CNTNAP4: variants seen among roughly 807,000 people sequenced by gnomAD.
CNTNAP4 encodes the protein contactin-associated protein-like 4.
In CNTNAP4, 98 loss-of-function variants were observed where a neutral mutation model predicts 148.4. That is an observed-to-expected ratio of 0.66 (90% CI 0.56 to 0.78). The LOEUF is 0.78. Ranked by LOEUF, CNTNAP4 falls within the 30% of genes least tolerant of loss-of-function variation. CNTNAP4 has a pLI of 0.00. For synonymous variants in CNTNAP4, 730 were observed against 565.1 expected (o/e 1.29, Z -4.14); for missense variants, 1,935 against 1,565.6 (o/e 1.24, Z -3.98).
intron 3 of CNTNAP4, among the ~76,000 whole-genome samples, chr16:76,391,150 C>A (rs989850919): frequency 1.3e-5 from 2 of 152,164 alleles, no homozygotes; most frequent in South Asian, 2.1e-4. Context: ...CCTAGCCCCC[C>A]ACTACCCTTC....
At position 76,452,758 on chromosome 16, in the gene CNTNAP4, A is replaced by G. The variant is rs752884883; in HGVS notation, c.1322A>G (p.Asp441Gly). The G allele has an allele frequency of 6.3e-7, 1 of 1,584,364 alleles. No homozygotes were observed. Among genetic ancestry groups the G allele is most frequent in the Non-Finnish European group, 8.6e-7 (1 of 1,164,474 alleles). ...TACCAGCCAGGAAAATTACCCAGTG[A>G]CATCACAGCAGGTAATAAATGTATT... Reference protein sequence around the residue: ...NLYQPGKLPSDITAGVELNDG... With the variant: ...NLYQPGKLPSGITAGVELNDG... Residue 441 changes from aspartate (D) to glycine (G), a missense_variant, in exon 8 of 24, where the codon GAC becomes GGC. By Grantham distance (94) the Asp-to-Gly change is moderately conservative (BLOSUM62 -1). Coordinates refer to ENST00000611870, the MANE Select transcript of CNTNAP4 (RefSeq NM_033401.5).
chr16:76,314,843 T>C (rs1028979522), intron 1 of CNTNAP4, among the ~76,000 whole-genome samples: 3 of 152,162 alleles, frequency 2.0e-5, no homozygotes, highest in African/African-American at 4.8e-5. Flanking sequence ...ACTGTATACA[T>C]GTGTGTTGAT....
intron 15 of CNTNAP4, among the ~76,000 whole-genome samples, chr16:76,501,780 A>G (rs2082655658): frequency 6.6e-6 from 1 of 152,180 alleles, no homozygotes; most frequent in Non-Finnish European, 1.5e-5. Context: ...ATTAGCACTA[A>G]GAATTTACGG....
At chr16:76,390,129 C>T (rs1014544266) in intron 3 of CNTNAP4, among the ~76,000 whole-genome samples, 2 of 152,144 alleles carry the variant, frequency 1.3e-5, no homozygotes, top group Admixed American at 1.3e-4. Flanking sequence ...TCCAGGCAGT[C>T]ACTGGATGAG....
intron 2 of CNTNAP4, among the ~76,000 whole-genome samples, chr16:76,338,677 G>A (rs1259549394): frequency 6.6e-6 from 1 of 152,134 alleles, no homozygotes; most frequent in Non-Finnish European, 1.5e-5. Flanking sequence ...AACTCCAGGA[G>A]GAAATGACAT....
chr16:76,422,863 A>G (rs1020062645), intron 3 of CNTNAP4, among the ~76,000 whole-genome samples: 2 of 152,270 alleles, frequency 1.3e-5, no homozygotes, highest in Middle Eastern at 3.4e-3. Flanking sequence ...ATAGAACGCA[A>G]TCACTAGTTG....
chr16:76,397,690 C>T (rs1331277002), intron 3 of CNTNAP4, among the ~76,000 whole-genome samples: 4 of 151,316 alleles, frequency 2.6e-5, no homozygotes, highest in African/African-American at 9.7e-5. Context: ...ATAATAAGGC[C>T]TGGACCATAA....
chr16:76,538,997 T>A (rs1255522495), intron 19 of CNTNAP4, among the ~76,000 whole-genome samples: 1 of 152,056 alleles, frequency 6.6e-6, no homozygotes, highest in African/African-American at 2.4e-5. Context: ...TCATTTCAAC[T>A]GATTCAAATA....
chr16:76,332,085 C>T (rs1016605878), intron 2 of CNTNAP4, among the ~76,000 whole-genome samples: 1 of 152,172 alleles, frequency 6.6e-6, no homozygotes, highest in Non-Finnish European at 1.5e-5. Context: ...GTTGAGGACC[C>T]TTTATAGGTG....
rs77366093 is a variant in CNTNAP4 at position 76,477,781 on chromosome 16, C to G, written c.1763-1638C>G. On this transcript the variant is annotated intron_variant, in intron 11 of 23. Transcript: ENST00000611870. ...ATCCTCCATTATCCCCATGTAGTAA[C>G]TAACTCAAAACAGAAAGCTATTCAG... Among the ~76,000 whole-genome samples the G allele has an allele frequency of 1.4e-4, 21 of 152,246 alleles. No individual in the cohort carries two copies. In the East Asian group the frequency reaches 2.9e-3, roughly 21 times the overall value.
intron 8 of CNTNAP4, among the ~76,000 whole-genome samples, chr16:76,459,305 A>G (rs1283646769): frequency 6.6e-6 from 1 of 152,238 alleles, no homozygotes; most frequent in Non-Finnish European, 1.5e-5. Context: ...CAAGGATTAC[A>G]TAACTCTATT....
intron 16 of CNTNAP4, 80 bp downstream of exon 16, chr16:76,521,390 T>C: frequency 8.8e-7 from 1 of 1,134,198 alleles, no homozygotes; most frequent in Non-Finnish European, 1.2e-6. Flanking sequence ...AAACTACTCA[T>C]GTGTCTACTT....
Position 76,314,992 on chromosome 16 carries a change from C to T in CNTNAP4, c.86-1421C>T, listed in dbSNP as rs11642553. ...GCTTTGCTTTTTAAGATTCTCAAAA[C>T]GATCAACATATTACATATTATTTTA... is the stretch of plus-strand genomic sequence containing the variant. On this transcript the variant is annotated intron_variant, in intron 1 of 23. Coordinates refer to ENST00000611870, the MANE Select transcript of CNTNAP4 (RefSeq NM_033401.5). Among the ~76,000 whole-genome samples, 865 of 152,128 alleles carry T rather than the reference C, an allele frequency of 5.7e-3. 4 individuals are homozygous for T. Among genetic ancestry groups the T allele is most frequent in the African/African-American group, 0.015 (611 of 41,480 alleles).
chr16:76,309,352 A>T (rs1960840984), intron 1 of CNTNAP4, among the ~76,000 whole-genome samples: 1 of 152,028 alleles, frequency 6.6e-6, no homozygotes, highest in African/African-American at 2.4e-5. Flanking sequence ...GGCCACCACC[A>T]TTTGAGTTTG....
chr16:76,521,026 T>C (rs2083431227), intron 15 of CNTNAP4, 114 bp from the exon 16 acceptor site: 3 of 969,952 alleles, frequency 3.1e-6, no homozygotes, highest in Admixed American at 5.0e-5. Context: ...TTTGTATAAA[T>C]AACATTTTAA....
chr16:76,556,983 G>A (rs187841578), intron 23 of CNTNAP4, among the ~76,000 whole-genome samples: 15 of 152,160 alleles, frequency 9.9e-5, no homozygotes, highest in Middle Eastern at 3.4e-3. Context: ...TGACTTCCTC[G>A]CACTCCGTTA....
chr16:76,331,814 T>C (rs916206112), intron 2 of CNTNAP4, among the ~76,000 whole-genome samples: 21 of 152,310 alleles, frequency 1.4e-4, no homozygotes, highest in African/African-American at 5.1e-4. Flanking sequence ...TTCCATACAG[T>C]GTTCTTTACG....
chr16:76,488,919 A>T (rs1405337614), intron 12 of CNTNAP4, among the ~76,000 whole-genome samples: 2 of 152,146 alleles, frequency 1.3e-5, no homozygotes, highest in African/African-American at 2.4e-5. Flanking sequence ...AATAGTGATA[A>T]CTCTAGTAGA....
At chr16:76,436,342 C>T (rs2079825535) in intron 4 of CNTNAP4, among the ~76,000 whole-genome samples, 1 of 152,144 alleles carries the variant, frequency 6.6e-6, no homozygotes, top group South Asian at 2.1e-4. Flanking sequence ...TCCCGCACAT[C>T]CCCATTCCAA....
Sources: allele counts gnomAD v4.1 joint callset (sites outside exome capture counted in the v4.1 genomes callset), GRCh38; gene constraint gnomAD v4.1.1; transcripts MANE v1.5; gene names NCBI Gene and HGNC (gene_info 2026-07-23, HGNC 2026-07-21).